Variants in FAAH2 observed in about 807,000 individuals in gnomAD.
FAAH2 encodes fatty acid amide hydrolase 2, also known as fatty-acid amide hydrolase 2.
A neutral mutation model predicts 36.9 loss-of-function variants in FAAH2; 60 were observed. The ratio of observed to expected loss-of-function variants is 1.63; its 90% CI spans 1.32 to 2.02. The LOEUF (loss-of-function observed/expected upper bound fraction) is 2.02. Ranked by LOEUF, FAAH2 falls within the 30% of genes most tolerant of loss-of-function variation. The pLI is 0.00. For missense variants in FAAH2, 689 were observed against 397.5 expected (o/e 1.73, Z -6.23); for synonymous variants, 214 against 143.8 (o/e 1.49, Z -3.49).
chrX:57,177,498 C>CA, the FAAH2 span, among the ~76,000 whole-genome samples: 29 of 96,273 alleles, frequency 3.0e-4, no homozygotes, highest in Admixed American at 2.9e-3. Flanking sequence ...TTTAAGATTT[C>CA]AAAAAAAATT....
At chrX:57,380,628 A>C (rs2054818476) in intron 6 of FAAH2, among the ~76,000 whole-genome samples, 1 of 111,842 alleles carries the variant, frequency 8.9e-6, no homozygotes, top group African/African-American at 3.2e-5. Flanking sequence ...CCATGGTTAC[A>C]GTTCTAGTTC....
chrX:57,485,838 T>A (rs1213829407), intron 10 of FAAH2, among the ~76,000 whole-genome samples: 1 of 112,051 alleles, frequency 8.9e-6, no homozygotes, highest in African/African-American at 3.2e-5. Context: ...TTTGGGTACA[T>A]GGCCACCTCT....
chrX:57,143,420 G>A, the FAAH2 span, among the ~76,000 whole-genome samples: 11 of 110,102 alleles, frequency 1.0e-4, no homozygotes, highest in African/African-American at 1.7e-4. Context: ...CCCCCCTTAC[G>A]ACTTTTTGTT....
At chrX:57,374,120 T>G (rs2054613653) in intron 5 of FAAH2, among the ~76,000 whole-genome samples, 1 of 111,925 alleles carries the variant, frequency 8.9e-6, no homozygotes, top group Non-Finnish European at 1.9e-5. Context: ...GACTATGGCC[T>G]TATAGTATAG....
intron 2 of FAAH2, among the ~76,000 whole-genome samples, chrX:57,294,990 C>G (rs750990986): frequency 8.9e-6 from 1 of 112,050 alleles, no homozygotes; most frequent in East Asian, 2.8e-4. Context: ...AAACAGCAAA[C>G]TGAGGGAACA....
At chrX:57,170,048 G>T in the FAAH2 span, among the ~76,000 whole-genome samples, 2 of 111,644 alleles carry the variant, frequency 1.8e-5, no homozygotes, top group African/African-American at 6.5e-5. Context: ...ACGGCACACT[G>T]CAGCCTCAAA....
chrX:57,407,435 G>C (rs7880147), intron 7 of FAAH2, among the ~76,000 whole-genome samples: 41,762 of 110,856 alleles, frequency 0.38, 6,609 homozygotes, highest in Middle Eastern at 0.62. Context: ...CCAACAATTT[G>C]TTGGTCAGCA....
chrX:57,442,737 G>A (rs1281035154), intron 8 of FAAH2, among the ~76,000 whole-genome samples: 1 of 112,019 alleles, frequency 8.9e-6, no homozygotes, highest in Non-Finnish European at 1.9e-5. Flanking sequence ...TGTTTTTGCA[G>A]TGGCTGTTAC....
chrX:57,245,796 C>T, the FAAH2 span, among the ~76,000 whole-genome samples: 10 of 111,908 alleles, frequency 8.9e-5, no homozygotes, highest in African/African-American at 2.6e-4. Context: ...AATTGAAAAC[C>T]TAACATCACA....
upstream of FAAH2, among the ~76,000 whole-genome samples, chrX:57,283,902 G>C (rs2051776634): frequency 8.9e-6 from 1 of 112,083 alleles, no homozygotes; most frequent in Non-Finnish European, 1.9e-5. Context: ...GAGTGATTGT[G>C]CTTGGGGCCC....
intron 5 of FAAH2, among the ~76,000 whole-genome samples, 187 bp from the exon 6 acceptor site, chrX:57,378,463 GA>G (rs764168008): frequency 4.5e-5 from 5 of 111,025 alleles, no homozygotes; most frequent in Admixed American, 1.9e-4. Flanking sequence ...ACTCTATTAG[GA>G]AAAAAAATTC....
intron 10 of FAAH2, among the ~76,000 whole-genome samples, chrX:57,470,799 G>C (rs756040195): frequency 9.0e-6 from 1 of 110,885 alleles, no homozygotes; most frequent in Non-Finnish European, 1.9e-5. Flanking sequence ...AACCAAAAAA[G>C]AATTTTAGAC....
At chrX:57,443,919 A>C (rs2147161873) in intron 8 of FAAH2, among the ~76,000 whole-genome samples, 1 of 112,268 alleles carries the variant, frequency 8.9e-6, no homozygotes, top group South Asian at 3.7e-4. Flanking sequence ...CAGAGGCTGC[A>C]GAACAGCAAA....
At chrX:57,204,711 T>A in the FAAH2 span, among the ~76,000 whole-genome samples, 3 of 112,683 alleles carry the variant, frequency 2.7e-5, no homozygotes, top group African/African-American at 6.4e-5. Context: ...GTTCAACTGC[T>A]AATAGCATTT....
At chrX:57,381,225 G>T (rs2054839804) in intron 7 of FAAH2, among the ~76,000 whole-genome samples, 196 bp downstream of exon 7, 1 of 111,185 alleles carries the variant, frequency 9.0e-6, no homozygotes, top group Non-Finnish European at 1.9e-5. Flanking sequence ...AATGAAATGA[G>T]TACTTTGAAA....
At chrX:57,247,759 G>T in the FAAH2 span, among the ~76,000 whole-genome samples, 1 of 111,837 alleles carries the variant, frequency 8.9e-6, no homozygotes, top group Non-Finnish European at 1.9e-5. Context: ...CATCAGCCAG[G>T]ACAAAATCAG....
chrX:57,382,089 G>A (rs1235602764), intron 7 of FAAH2, among the ~76,000 whole-genome samples: 1 of 111,350 alleles, frequency 9.0e-6, no homozygotes, highest in Non-Finnish European at 1.9e-5. Flanking sequence ...GGTACATAAC[G>A]AAATGAAGGC....
chrX:57,213,424 G>A, the FAAH2 span, among the ~76,000 whole-genome samples: 1 of 111,401 alleles, frequency 9.0e-6, no homozygotes, highest in African/African-American at 3.3e-5. Flanking sequence ...ACATTAGGTT[G>A]TTAATTTGTG....
chrX:57,480,248 C>T (rs1459179204), intron 10 of FAAH2, among the ~76,000 whole-genome samples: 3 of 111,789 alleles, frequency 2.7e-5, no homozygotes, highest in Admixed American at 9.5e-5. Context: ...GAGAATCCTT[C>T]CTAACTCATT....
Sources: allele counts gnomAD v4.1 joint callset (sites outside exome capture counted in the v4.1 genomes callset), GRCh38; gene constraint gnomAD v4.1.1; transcripts MANE v1.5; gene names NCBI Gene and HGNC (gene_info 2026-07-23, HGNC 2026-07-21).